CCSER1: variants seen among roughly 807,000 people sequenced by gnomAD.
CCSER1 encodes the protein coiled-coil serine rich protein 1.
Under a neutral mutation model 82.0 loss-of-function variants are expected in CCSER1, and 41 were observed. That is an observed-to-expected ratio of 0.50 (90% confidence interval 0.39 to 0.65). The LOEUF (loss-of-function observed/expected upper bound fraction) is 0.65. Ranked by LOEUF, CCSER1 falls within the 30% of genes least tolerant of loss-of-function variation. CCSER1 has a pLI of 0.00. For synonymous variants in CCSER1, 414 were observed against 383.9 expected (o/e 1.08, Z -0.92); for missense variants, 1,119 against 1,064.2 (o/e 1.05, Z -0.72).
intron 6 of CCSER1, among the ~76,000 whole-genome samples, chr4:90,689,907 T>G (rs1411177563): frequency 6.6e-6 from 1 of 152,082 alleles, no homozygotes; most frequent in Non-Finnish European, 1.5e-5. Context: ...GGATGTGTGG[T>G]TAGTGCTGTC....
At chr4:90,951,795 C>G (rs1331264883) in intron 9 of CCSER1, among the ~76,000 whole-genome samples, 1 of 152,006 alleles carries the variant, frequency 6.6e-6, no homozygotes, top group Non-Finnish European at 1.5e-5. Flanking sequence ...TTAAGTCTGG[C>G]TTTCATAATT....
At position 91,137,012 on chromosome 4, in the gene CCSER1, C is replaced by CTTTT. The variant is rs33996386; in HGVS notation, c.2217+51026_2217+51029dup. On this transcript the variant is annotated intron_variant, in intron 10 of 10. Transcript: ENST00000509176. ...GATTATAGAAATGTTTATAAAAATT[C>CTTTT]TTTTTTTTTTTATTATACTTTAAGT... 7.5e-3 allele frequency among the ~76,000 whole-genome samples: 1,114 copies of CTTTT among 149,314 alleles called. 8 individuals carry two copies. The highest frequency in any genetic ancestry group is 0.011 in the Non-Finnish European group (742 of 67,214).
intron 8 of CCSER1, among the ~76,000 whole-genome samples, chr4:90,863,829 G>A (rs1444989964): frequency 6.6e-6 from 1 of 151,730 alleles, no homozygotes; most frequent in African/African-American, 2.4e-5. Context: ...CAGCATGGTA[G>A]TTCTATGTAA....
intron 1 of CCSER1, among the ~76,000 whole-genome samples, chr4:90,182,260 G>C (rs555999179): frequency 1.3e-5 from 2 of 152,070 alleles, no homozygotes; most frequent in South Asian, 4.1e-4. Flanking sequence ...TTATGGTTTT[G>C]AAACACTAGA....
intron 9 of CCSER1, among the ~76,000 whole-genome samples, chr4:90,965,550 T>G (rs764019914): frequency 6.6e-6 from 1 of 152,150 alleles, no homozygotes; most frequent in African/African-American, 2.4e-5. Flanking sequence ...CAAGATAATC[T>G]TTGTTTAATT....
chr4:91,483,114 G>C (rs531357900), intron 10 of CCSER1, among the ~76,000 whole-genome samples: 3 of 148,786 alleles, frequency 2.0e-5, no homozygotes, highest in African/African-American at 7.4e-5. Context: ...AGGAAAGAAA[G>C]AAAAAAATTA....
At chr4:90,780,699 C>G in intron 7 of CCSER1, 1 of 1,315,206 alleles carries the variant, frequency 7.6e-7, no homozygotes, top group Non-Finnish European at 9.6e-7. Flanking sequence ...GCAAGACAAA[C>G]GGTCAGGAGG....
At chr4:91,488,751 A>C (rs1758353863) in intron 10 of CCSER1, among the ~76,000 whole-genome samples, 1 of 152,296 alleles carries the variant, frequency 6.6e-6, no homozygotes, top group South Asian at 2.1e-4. Flanking sequence ...TGAGTCAATT[A>C]AACCTCTTTT....
At chr4:90,323,110 A>C (rs1461309558) in intron 3 of CCSER1, among the ~76,000 whole-genome samples, 1 of 152,080 alleles carries the variant, frequency 6.6e-6, no homozygotes, top group Non-Finnish European at 1.5e-5. Flanking sequence ...GCTTCATTTT[A>C]ATGTAGCTGA....
chr4:91,097,301 A>G (rs1375657588), intron 10 of CCSER1, among the ~76,000 whole-genome samples: 1 of 151,404 alleles, frequency 6.6e-6, no homozygotes, highest in Non-Finnish European at 1.5e-5. Context: ...CTAATATGAA[A>G]GACACTGGCT....
chr4:91,210,393 G>T (rs1212119061), intron 10 of CCSER1, among the ~76,000 whole-genome samples: 3 of 151,192 alleles, frequency 2.0e-5, no homozygotes, highest in Non-Finnish European at 4.4e-5. Context: ...TAGCTTTAAA[G>T]TATCTCCCAA....
chr4:90,531,104 T>C (rs957241862), intron 5 of CCSER1, among the ~76,000 whole-genome samples: 1 of 152,152 alleles, frequency 6.6e-6, no homozygotes, highest in African/African-American at 2.4e-5. Context: ...TAGTTTTATA[T>C]GAATTGCAAT....
At chr4:90,163,357 T>C (rs1729835396) in intron 1 of CCSER1, among the ~76,000 whole-genome samples, 1 of 152,138 alleles carries the variant, frequency 6.6e-6, no homozygotes. Flanking sequence ...CAGAATTAGC[T>C]CTTTAGGCCT....
intron 4 of CCSER1, among the ~76,000 whole-genome samples, chr4:90,452,028 T>C (rs1221876833): frequency 6.6e-6 from 1 of 152,116 alleles, no homozygotes; most frequent in East Asian, 1.9e-4. Flanking sequence ...CCTTGTTTAA[T>C]TCAAGTGCCC....
chr4:90,173,021 T>G (rs1007521796), intron 1 of CCSER1, among the ~76,000 whole-genome samples: 9 of 151,930 alleles, frequency 5.9e-5, no homozygotes, highest in African/African-American at 2.2e-4. Flanking sequence ...AGACCCTATT[T>G]GGCAGGGAAA....
At chr4:91,177,310 G>A (rs967688861) in intron 10 of CCSER1, among the ~76,000 whole-genome samples, 6 of 152,174 alleles carry the variant, frequency 3.9e-5, no homozygotes, top group South Asian at 2.1e-4. Context: ...CCAGGCTTTG[G>A]TATCAGGATG....
intron 6 of CCSER1, among the ~76,000 whole-genome samples, chr4:90,675,689 T>TG (rs2149176632): frequency 1.3e-3 from 1 of 778 alleles, no homozygotes; most frequent in Non-Finnish European, 2.8e-3. Flanking sequence ...TGGTGGTTTT[T>TG]TTTTTTTTTT....
chr4:91,325,963 G>C (rs1746529638), intron 10 of CCSER1, among the ~76,000 whole-genome samples: 1 of 146,844 alleles, frequency 6.8e-6, no homozygotes, highest in Non-Finnish European at 1.5e-5. Context: ...AATTCCTAGA[G>C]TTTTCTTTGA....
chr4:91,155,423 A>T (rs1430826257), intron 10 of CCSER1, among the ~76,000 whole-genome samples: 2 of 151,902 alleles, frequency 1.3e-5, no homozygotes, highest in Non-Finnish European at 2.9e-5. Flanking sequence ...TCTTTCCTTT[A>T]TAAATTACCC....
Sources: gnomAD v4.1 joint callset for allele counts (sites outside exome capture counted in the v4.1 genomes callset) on GRCh38, gnomAD v4.1.1 for gene constraint, MANE v1.5 for transcripts, NCBI Gene and HGNC (gene_info 2026-07-23, HGNC 2026-07-21) for gene names.